Variants in SGCZ observed in about 807,000 individuals in gnomAD.
SGCZ encodes the protein zeta-sarcoglycan.
SGCZ carries 40 observed loss-of-function variants against 41.3 expected under a neutral mutation model. The observed-to-expected ratio is 0.97, with a 90% CI of 0.75 to 1.26. The LOEUF is 1.26. SGCZ is among the 50% of genes most tolerant of loss of function. The pLI is 0.00. For synonymous variants in SGCZ, 206 were observed against 137.5 expected, an observed-to-expected ratio of 1.50 and a Z score of -3.49; for missense variants, 552 against 369.8, an observed-to-expected ratio of 1.49 and a Z score of -4.04.
chr8:14,163,084 C>T (rs1804095504), intron 5 of SGCZ, among the ~76,000 whole-genome samples: 1 of 152,112 alleles, frequency 6.6e-6, no homozygotes, highest in South Asian at 2.1e-4. Flanking sequence ...ATTGCCCAGG[C>T]TGGACTTGAA....
intron 4 of SGCZ, among the ~76,000 whole-genome samples, chr8:14,168,444 G>T (rs1048271584): frequency 6.6e-6 from 1 of 152,094 alleles, no homozygotes; most frequent in Non-Finnish European, 1.5e-5. Context: ...GAGGTAATTG[G>T]ATCATGGGGG....
At chr8:14,114,003 C>A (rs1802449136) in intron 5 of SGCZ, among the ~76,000 whole-genome samples, 1 of 152,004 alleles carries the variant, frequency 6.6e-6, no homozygotes, top group African/African-American at 2.4e-5. Flanking sequence ...CCGCTTGCTT[C>A]TCCTTCTGCC....
chr8:14,795,632 A>C (rs1282464877), intron 1 of SGCZ, among the ~76,000 whole-genome samples: 1 of 152,118 alleles, frequency 6.6e-6, no homozygotes, highest in Non-Finnish European at 1.5e-5. Context: ...CTCATATTAA[A>C]ATGCAAAACA....
At position 14,736,263 on chromosome 8, in the gene SGCZ, G is replaced by A. The variant is rs188618569; in HGVS notation, c.40-181337C>T. Among the ~76,000 whole-genome samples the A allele has an allele frequency of 2.9e-3, 445 of 152,168 alleles. 6 individuals carry two copies. Among genetic ancestry groups the A allele is most frequent in the African/African-American group, 0.01 (431 of 41,546 alleles). ...TCTCATAAATCTTAGAGCCAACACAGCACCAGTTTGTGTAACTGGATCATC... is the reference window on the plus strand; with the variant it reads ...TCTCATAAATCTTAGAGCCAACACAACACCAGTTTGTGTAACTGGATCATC... On this transcript the variant is annotated intron_variant, in intron 1 of 7. Transcript: ENST00000382080.
chr8:14,723,560 C>T (rs1196919682), intron 1 of SGCZ, among the ~76,000 whole-genome samples: 1 of 152,050 alleles, frequency 6.6e-6, no homozygotes, highest in African/African-American at 2.4e-5. Flanking sequence ...CTCAGGGCAC[C>T]CCTCTCCCAT....
chr8:14,779,840 T>C (rs1268803838), intron 1 of SGCZ, among the ~76,000 whole-genome samples: 1 of 152,174 alleles, frequency 6.6e-6, no homozygotes, highest in Non-Finnish European at 1.5e-5. Context: ...AGGTGATCAT[T>C]TGATTATTAA....
At chr8:14,583,222 C>T (rs1205589393) in intron 1 of SGCZ, among the ~76,000 whole-genome samples, 1 of 150,860 alleles carries the variant, frequency 6.6e-6, no homozygotes, top group Admixed American at 6.6e-5. Flanking sequence ...GAGATGGTAT[C>T]TCATTGTGGT....
chr8:14,740,346 T>C (rs779256970), intron 1 of SGCZ, among the ~76,000 whole-genome samples: 1 of 151,978 alleles, frequency 6.6e-6, no homozygotes, highest in Non-Finnish European at 1.5e-5. Context: ...CCAGGACGGG[T>C]TTACCAGCAA....
chr8:14,878,561 G>A (rs1202482713), intron 1 of SGCZ, among the ~76,000 whole-genome samples: 1 of 152,084 alleles, frequency 6.6e-6, no homozygotes, highest in Non-Finnish European at 1.5e-5. Flanking sequence ...TATTGAAGTT[G>A]AATGTCGATA....
At chr8:14,293,026 T>C (rs1427004) in intron 3 of SGCZ, among the ~76,000 whole-genome samples, 147,007 of 152,024 alleles carry the variant, frequency 0.97, 71,242 homozygotes, top group East Asian at 1. Context: ...CATTCACATC[T>C]CTGGGTTAAA....
chr8:14,184,470 G>T (rs536160553), intron 4 of SGCZ, among the ~76,000 whole-genome samples: 83 of 152,148 alleles, frequency 5.5e-4, no homozygotes, highest in African/African-American at 2.0e-3. Context: ...GCATTATTAG[G>T]CTAAATGATA....
intron 2 of SGCZ, among the ~76,000 whole-genome samples, chr8:14,537,529 C>G (rs963361336): frequency 6.6e-6 from 1 of 151,394 alleles, no homozygotes; most frequent in Non-Finnish European, 1.5e-5. Flanking sequence ...ACCCTAGTAT[C>G]TGACTTTCTT....
chr8:14,580,055 C>A (rs915026522), intron 1 of SGCZ, among the ~76,000 whole-genome samples: 1 of 152,168 alleles, frequency 6.6e-6, no homozygotes, highest in African/African-American at 2.4e-5. Context: ...TCATGCATAG[C>A]CCATTTTACT....
intron 1 of SGCZ, among the ~76,000 whole-genome samples, chr8:14,742,301 G>A (rs1049463159): frequency 4.6e-5 from 7 of 151,914 alleles, no homozygotes; most frequent in Non-Finnish European, 8.8e-5. Context: ...ACTTATGCAC[G>A]TGCACGCGCG....
chr8:14,963,910 A>AT (rs936136890), intron 1 of SGCZ, among the ~76,000 whole-genome samples: 15 of 152,024 alleles, frequency 9.9e-5, no homozygotes, highest in Admixed American at 3.9e-4. Context: ...TTCACCTATG[A>AT]TTTTTTTATC....
chr8:14,177,675 A>ATTT (rs1193141913), intron 4 of SGCZ, among the ~76,000 whole-genome samples: 31 of 111,330 alleles, frequency 2.8e-4, no homozygotes, highest in Non-Finnish European at 4.6e-4. Flanking sequence ...ACGCCCTGCT[A>ATTT]TTTTTTTTTT....
chr8:14,373,486 A>C lies in SGCZ; in HGVS notation c.235-49282T>G, dbSNP rs868628533. ...TCAGAGAAGACAATAAAAATAAGTG[A>C]GCTCTCAAGACTCCTCACCCAAGTC... is the stretch of plus-strand genomic sequence containing the variant. On this transcript the variant is annotated intron_variant, in intron 2 of 7. Transcript: ENST00000382080. Among the ~76,000 whole-genome samples, 7 of 152,302 alleles carry C rather than the reference A, an allele frequency of 4.6e-5. 1 individual carries two copies. In the Middle Eastern group the frequency reaches 0.017, roughly 370 times the overall value.
At chr8:14,702,970 T>TAGATAGATAGATAGAC (rs1481150630) in intron 1 of SGCZ, among the ~76,000 whole-genome samples, 14 of 129,122 alleles carry the variant, frequency 1.1e-4, no homozygotes, top group East Asian at 2.3e-4. Flanking sequence ...GATAGATAGA[T>TAGATAGATAGATAGAC]AGACAGACAG....
intron 1 of SGCZ, among the ~76,000 whole-genome samples, chr8:14,926,622 G>C (rs1387044988): frequency 6.6e-6 from 1 of 151,192 alleles, no homozygotes; most frequent in East Asian, 1.9e-4. Flanking sequence ...TTGTTTGTTT[G>C]TTTTGTTTTT....
Sources: allele counts gnomAD v4.1 joint callset (sites outside exome capture counted in the v4.1 genomes callset), GRCh38; gene constraint gnomAD v4.1.1; transcripts MANE v1.5; gene names NCBI Gene and HGNC (gene_info 2026-07-23, HGNC 2026-07-21).